The following CD69 variants were observed in gnomAD, a reference collection of about 807,000 sequenced individuals.
The protein encoded by CD69 is CD69 molecule, also known as early activation antigen CD69.
A neutral mutation model predicts 21.4 loss-of-function variants in CD69; 10 were observed. The observed-to-expected ratio is 0.47, with a 90% CI of 0.29 to 0.79. CD69 has a LOEUF of 0.79. Ranked by LOEUF, CD69 falls within the 30% of genes least tolerant of loss-of-function variation. The pLI, the probability that CD69 is intolerant of heterozygous loss-of-function variation, is 0.09. For synonymous variants in CD69, 63 were observed against 78.2 expected (o/e 0.81, Z 1.03); for missense variants, 204 against 236.9 (o/e 0.86, Z 0.91).
chr12:9,755,047 T>C lies in CD69; in HGVS notation c.387+15A>G. ...GAATTAAAATAGTAGTATTTTATCT[T>C]TTTTTTATTCTTACCATGTCCTTTT... On this transcript the variant is annotated intron_variant, in intron 3 of 4. Transcript: ENST00000228434. 5.0e-6 allele frequency: 8 copies of C among 1,608,708 alleles called. No homozygotes were observed. The highest frequency in any genetic ancestry group is 6.8e-6 in the Non-Finnish European group (8 of 1,175,464).
intron 1 of CD69, among the ~76,000 whole-genome samples, chr12:9,757,459 A>G (rs1335218969): frequency 6.6e-6 from 1 of 152,236 alleles, no homozygotes; most frequent in Non-Finnish European, 1.5e-5. Flanking sequence ...TTGTGCAAGA[A>G]TGCTCCTAGC....
intron 1 of CD69, among the ~76,000 whole-genome samples, chr12:9,757,257 C>T (rs1026235791): frequency 1.3e-5 from 2 of 151,970 alleles, no homozygotes; most frequent in African/African-American, 4.8e-5. Context: ...TTAAACGTGA[C>T]AGTATTTTTT....
At chr12:9,756,750 G>T in intron 1 of CD69, among the ~76,000 whole-genome samples, 1 of 152,158 alleles carries the variant, frequency 6.6e-6, no homozygotes, top group South Asian at 2.1e-4. Context: ...TGATAAGAAC[G>T]TTTATTAAAT....
In CD69 at chr12:9,753,576, C is replaced by G; in HGVS notation, c.505G>C (p.Gly169Arg). Residue 169 changes from glycine to arginine, a missense_variant, in exon 5 of 5, where the codon GGG becomes CGG. By Grantham distance (125) the Gly-to-Arg change is moderately radical. Transcript: ENST00000228434. ...TTCAGAAAAACACACTTGTCAGACC[C>G]TGTAACGTTGAACCTGTCAAACAAT... The part of the protein sequence containing the change: ...KEFNNWFNVT[G>R]SDKCVFLKNT... The G allele has an allele frequency of 1.3e-6, 2 of 1,538,470 alleles. No homozygotes were observed. Among genetic ancestry groups the G allele is most frequent in the Non-Finnish European group, 1.8e-6 (2 of 1,118,836 alleles).
At chr12:9,758,713 C>A (rs1035686145) in intron 1 of CD69, among the ~76,000 whole-genome samples, 1 of 152,132 alleles carries the variant, frequency 6.6e-6, no homozygotes, top group Non-Finnish European at 1.5e-5. Context: ...ACCCAAGGTA[C>A]CAAGTTCGGA....
At position 9,755,246 on chromosome 12, in the gene CD69, C is replaced by T; in HGVS notation, c.203G>A (p.Cys68Tyr). 1 of 1,613,846 alleles carries T rather than the reference C, an allele frequency of 6.2e-7. No homozygotes were observed. The highest frequency in any genetic ancestry group is 8.5e-7 in the Non-Finnish European group (1 of 1,179,822). Residue 68 changes from cysteine (C) to tyrosine (Y), a missense_variant, in exon 3 of 5, where the codon TGT becomes TAT. Cys to Tyr is a radical substitution (Grantham distance 194). Transcript: ENST00000228434. ...LIALSVGQYNCPGQYTFSMPS... is the reference protein window; with the variant it reads ...LIALSVGQYNYPGQYTFSMPS... ...CATTGAGAATGTGTATTGGCCTGGA[C>T]AATTGTATTGGCCCACTGTGAACAG... is the stretch of plus-strand genomic sequence containing the variant.
Position 9,760,825 on chromosome 12 carries a change from A to C in CD69, c.-5T>G. On this transcript the variant is annotated 5_prime_UTR_variant, in exon 1 of 5. Coordinates refer to ENST00000228434, the MANE Select transcript of CD69 (RefSeq NM_001781.2). ...GAAACAATTTTCAGAGCTCATCTTT[A>C]TTCTCAAGATTCCCTAGTTAATCTC... 6.2e-7 allele frequency: 1 copy of C among 1,608,894 alleles called. No individual in the cohort carries two copies. The highest frequency in any genetic ancestry group is 8.5e-7 in the Non-Finnish European group (1 of 1,177,558).
intron 2 of CD69, 32 bp from the exon 3 acceptor site, chr12:9,755,293 C>A: frequency 6.4e-7 from 1 of 1,556,694 alleles, no homozygotes; most frequent in South Asian, 1.1e-5. Context: ...GTTTTAGTAA[C>A]AAAAGAAACC....
chr12:9,760,731 T>TA (rs752655471), intron 1 of CD69, 26 bp downstream of exon 1: 1 of 1,565,776 alleles, frequency 6.4e-7, no homozygotes, highest in South Asian at 1.1e-5. Flanking sequence ...TACCAGAGAG[T>TA]AAATAGGCAA....
At chr12:9,758,184 A>G (rs1006700924) in intron 1 of CD69, among the ~76,000 whole-genome samples, 3 of 152,154 alleles carry the variant, frequency 2.0e-5, no homozygotes, top group African/African-American at 7.2e-5. Context: ...TAAGTAAATA[A>G]CTGAGGAAGG....
intron 1 of CD69, among the ~76,000 whole-genome samples, chr12:9,758,791 T>C (rs1221344011): frequency 2.6e-5 from 4 of 152,222 alleles, no homozygotes; most frequent in African/African-American, 7.2e-5. Flanking sequence ...TTGCAACAGC[T>C]CTGTCTCCTC....
At chr12:9,758,062 C>CTT (rs58176994) in intron 1 of CD69, among the ~76,000 whole-genome samples, 104,346 of 149,422 alleles carry the variant, frequency 0.7, 36,884 homozygotes, top group East Asian at 0.94. Context: ...AAGTAAAAGC[C>CTT]TTTTTTTTTC....
In CD69 at chr12:9,754,645, G is replaced by T. The variant is rs756942837; in HGVS notation, c.433C>A (p.Leu145Met). The T allele has an allele frequency of 1.2e-6, 2 of 1,612,876 alleles. No individual in the cohort carries two copies. Among genetic ancestry groups the T allele is most frequent in the Admixed American group, 3.3e-5 (2 of 60,028 alleles). The change falls in exon 4 of 5, where the codon CTG (leucine) becomes ATG (methionine). Residue 145 changes from leucine (L) to methionine (M), a missense_variant. Coordinates refer to ENST00000228434, the MANE Select transcript of CD69 (RefSeq NM_001781.2). ...YAGREEHWVG[L>M]KKEPGHPWKW... Reference sequence around the variant, plus strand: ...CATGGGTGACCAGGTTCCTTTTTCAGTCCAACCCAGTGTTCCTCTCTACCT... The same window carrying T: ...CATGGGTGACCAGGTTCCTTTTTCATTCCAACCCAGTGTTCCTCTCTACCT...
rs147196303 is a variant in CD69, at chr12:9,756,413, G to T, written c.71C>A (p.Ala24Asp). 3.1e-6 allele frequency: 5 copies of T among 1,612,970 alleles called. No homozygotes were observed. In the African/African-American group the frequency reaches 6.7e-5, roughly 22 times the overall value. The change falls in exon 2 of 5, where the codon GCC (alanine) becomes GAC (aspartate). Residue 24 changes from alanine (A) to aspartate (D), a missense_variant. Coordinates refer to ENST00000228434, the MANE Select transcript of CD69 (RefSeq NM_001781.2). Reference protein sequence around the residue: ...LHPESGQENDATSPHFSTRHE... With the variant: ...LHPESGQENDDTSPHFSTRHE... ...ACGTGTTGAGAAATGGGGACTGGTGGCATCATCTGGAAGGGAGAAAGTTGA... is the reference window on the plus strand; with the variant it reads ...ACGTGTTGAGAAATGGGGACTGGTGTCATCATCTGGAAGGGAGAAAGTTGA...
intron 1 of CD69, among the ~76,000 whole-genome samples, chr12:9,759,484 G>GTTATTATTATTATTATTA (rs57945372): frequency 1.1e-4 from 17 of 148,288 alleles, no homozygotes; most frequent in African/African-American, 4.0e-4. Context: ...TTATTGAGTA[G>GTTATTATTATTATTATTA]TTATTATTAT....
Position 9,755,200 on chromosome 12 carries a change from A to C in CD69, c.249T>G (p.Ser83=), listed in dbSNP as rs1224028236. 1.1e-5 allele frequency: 17 copies of C among 1,613,992 alleles called. No individual in the cohort carries two copies. Among genetic ancestry groups the C allele is most frequent in the Non-Finnish European group, 1.3e-5 (15 of 1,179,976 alleles). The change falls in exon 3 of 5, where the codon TCT becomes TCG. Residue 83 remains serine, a synonymous_variant. Coordinates refer to ENST00000228434, the MANE Select transcript of CD69 (RefSeq NM_001781.2). ...AGCCAACCCAGTCCTCAGAGCATGA[A>C]GAAACATGGCTGTCTGATGGCATTG... The part of the protein sequence containing the change: ...TFSMPSDSHV[S]SCSEDWVGYQ...
At chr12:9,755,700 A>G (rs893030952) in intron 2 of CD69, among the ~76,000 whole-genome samples, 1 of 152,238 alleles carries the variant, frequency 6.6e-6, no homozygotes, top group African/African-American at 2.4e-5. Flanking sequence ...TAGGGAACCA[A>G]TTCAAAATAC....
chr12:9,756,410 G>A lies in CD69; in HGVS notation c.74C>T (p.Thr25Ile). 2 of 1,613,472 alleles carry A rather than the reference G, an allele frequency of 1.2e-6. No individual in the cohort carries two copies. Among genetic ancestry groups the A allele is most frequent in the Non-Finnish European group, 1.7e-6 (2 of 1,179,600 alleles). Residue 25 changes from threonine (T) to isoleucine (I), a missense_variant, in exon 2 of 5, where the codon ACC (threonine) becomes ATC (isoleucine). Thr to Ile is a moderately conservative substitution (Grantham distance 89). Coordinates refer to ENST00000228434, the MANE Select transcript of CD69 (RefSeq NM_001781.2). ...HPESGQENDA[T>I]SPHFSTRHEG... ...ATGACGTGTTGAGAAATGGGGACTG[G>A]TGGCATCATCTGGAAGGGAGAAAGT...
rs753264576 is a variant in CD69, at chr12:9,755,183, C to G, written c.266G>C (p.Trp89Ser). 8.7e-6 allele frequency: 14 copies of G among 1,614,006 alleles called. No individual in the cohort carries two copies. The Admixed American group carries it at 2.2e-4, about 25-fold the overall frequency. ...GTAGCATTTCCTCTGGTAGCCAACC[C>G]AGTCCTCAGAGCATGAAGAAACATG... ...DSHVSSCSED[W>S]VGYQRKCYFI... The change falls in exon 3 of 5, where the codon TGG (tryptophan) becomes TCG (serine). Residue 89 changes from tryptophan to serine, a missense_variant. Physicochemically the swap from Trp to Ser is radical, Grantham distance 177 (BLOSUM62 -3). Transcript: ENST00000228434.
Sources: gnomAD v4.1 joint callset for allele counts (sites outside exome capture counted in the v4.1 genomes callset) on GRCh38, gnomAD v4.1.1 for gene constraint, MANE v1.5 for transcripts, NCBI Gene and HGNC (gene_info 2026-07-23, HGNC 2026-07-21) for gene names.